Variants in TUBE1 observed in about 807,000 individuals in gnomAD.
TUBE1 encodes the protein tubulin epsilon chain.
Under a neutral mutation model 53.5 loss-of-function variants are expected in TUBE1, and 34 were observed. The ratio of observed to expected loss-of-function variants is 0.64; its 90% confidence interval spans 0.48 to 0.85. The LOEUF is 0.85. Among genes scored for constraint, TUBE1 ranks in the 40% least tolerant of loss-of-function variants. The probability of loss-of-function intolerance (pLI) is 0.00; values close to 1 mark genes in which losing one functional copy is unlikely to be tolerated. For synonymous variants in TUBE1, 177 were observed against 198.4 expected (o/e 0.89, Z 0.91); for missense variants, 532 against 570.5 (o/e 0.93, Z 0.69).
At chr6:112,083,406 C>T (rs587653901) in intron 4 of TUBE1, among the ~76,000 whole-genome samples, 4 of 151,566 alleles carry the variant, frequency 2.6e-5, no homozygotes, top group South Asian at 4.2e-4. Context: ...CAGGCTCTGC[C>T]CCCCGGGGTT....
At chr6:112,081,895 A>C (rs1554316814) in intron 4 of TUBE1, among the ~76,000 whole-genome samples, 1 of 151,992 alleles carries the variant, frequency 6.6e-6, no homozygotes, top group East Asian at 1.9e-4. Context: ...CCGTCCTCCC[A>C]CTTCCCTTAC....
rs587647151 is a variant in TUBE1, at chr6:112,081,920, A to C, written c.211-713T>G. On this transcript the variant is annotated intron_variant, in intron 4 of 11. Coordinates refer to ENST00000368662, the MANE Select transcript of TUBE1 (RefSeq NM_016262.5). ...ACTTCCCTTACTTTCCATATATTCT[A>C]CAGCGAGGAAGAAGAGTAAAAAAGT... Among the ~76,000 whole-genome samples, 5 of 152,172 alleles carry C rather than the reference A, an allele frequency of 3.3e-5. No individual in the cohort carries two copies. In the South Asian group the frequency reaches 1.0e-3, roughly 32 times the overall value.
Position 112,082,440 on chromosome 6 carries a change from T to C in TUBE1, c.211-1233A>G, listed in dbSNP as rs141891106. 2.3e-3 allele frequency among the ~76,000 whole-genome samples: 343 copies of C among 152,292 alleles called. 1 individual carries two copies. Among genetic ancestry groups the C allele is most frequent in the African/African-American group, 7.9e-3 (330 of 41,572 alleles). On this transcript the variant is annotated intron_variant, in intron 4 of 11. Transcript: ENST00000368662. ...GGATTATACTGGCCTTGTTCCAAAA[T>C]AGATTTATTGAGGTATGTGGAAGAT...
At chr6:112,072,197 A>G (rs1290547986) in intron 10 of TUBE1, 121 bp from the exon 11 acceptor site, 3 of 670,572 alleles carry the variant, frequency 4.5e-6, no homozygotes, top group Non-Finnish European at 7.2e-6. Context: ...CTACTTGCTT[A>G]GTTTAGACGC....
Position 112,084,009 on chromosome 6 carries a change from G to A in TUBE1, c.210+180C>T, listed in dbSNP as rs114877245. ...GCTAACTACAGTGTTTTAAAGTATG[G>A]GCTTTTCCCCCTAATGTGTTAGGTG... is the stretch of plus-strand genomic sequence containing the variant. On this transcript the variant is annotated intron_variant, in intron 4 of 11. Coordinates refer to ENST00000368662, the MANE Select transcript of TUBE1 (RefSeq NM_016262.5). 359 of 590,462 alleles carry A rather than the reference G, an allele frequency of 6.1e-4. 4 individuals are homozygous for A. The African/African-American group carries it at 6.3e-3, about 10-fold the overall frequency. The allele number at this position is 590,462 out of a possible 1,614,324, so 36.6% of individuals were successfully genotyped here. A position where few individuals can be genotyped will look rare whatever the true frequency, so the allele number is the denominator to read the frequency against.
intron 2 of TUBE1, chr6:112,086,914 T>A (rs1284918936): frequency 2.0e-6 from 1 of 491,796 alleles, no homozygotes; most frequent in Non-Finnish European, 3.6e-6. Flanking sequence ...ACTGGTTAAA[T>A]TAAGGAATAC....
chr6:112,086,704 G>A, intron 2 of TUBE1, 96 bp from the exon 3 acceptor site: 1 of 758,050 alleles, frequency 1.3e-6, no homozygotes, highest in Non-Finnish European at 2.2e-6. Flanking sequence ...TAATGGCTAG[G>A]ATGAGACTCT....
At chr6:112,077,319 T>C (rs1334305128) in intron 6 of TUBE1, 1 of 152,182 alleles carries the variant, frequency 6.6e-6, no homozygotes, top group African/African-American at 2.4e-5. Context: ...ACTCGAGGAA[T>C]CTCATTAAAG....
chr6:112,073,730 T>C (rs1776907034), intron 9 of TUBE1, among the ~76,000 whole-genome samples: 1 of 152,226 alleles, frequency 6.6e-6, no homozygotes, highest in African/African-American at 2.4e-5. Flanking sequence ...ACTTTAGTTA[T>C]AAAAAAGAAT....
chr6:112,082,948 G>GA (rs1236284616), intron 4 of TUBE1, among the ~76,000 whole-genome samples: 3 of 151,960 alleles, frequency 2.0e-5, no homozygotes, highest in African/African-American at 7.3e-5. Context: ...TACCTTCTCG[G>GA]AAAAAAAGTC....
intron 9 of TUBE1, 102 bp downstream of exon 9, chr6:112,074,608 G>A: frequency 1.2e-6 from 1 of 809,230 alleles, no homozygotes; most frequent in Non-Finnish European, 1.8e-6. Flanking sequence ...CAGATAAGAT[G>A]ATACAATTAA....
rs587671546 is a variant in TUBE1 at position 112,082,052 on chromosome 6, G to A, written c.211-845C>T. Among the ~76,000 whole-genome samples the A allele has an allele frequency of 1.1e-4, 16 of 152,174 alleles. 1 individual carries two copies. The East Asian group carries it at 2.9e-3, about 27-fold the overall frequency. ...ATTCAGTGTCACAGAGGAAGTGCTC[G>A]GTTTATGGCTTTCAGTTCTGTTACC... On this transcript the variant is annotated intron_variant, in intron 4 of 11. Coordinates refer to ENST00000368662, the MANE Select transcript of TUBE1 (RefSeq NM_016262.5).
intron 5 of TUBE1, among the ~76,000 whole-genome samples, chr6:112,080,284 T>G (rs1368919329): frequency 5.3e-5 from 8 of 152,204 alleles, no homozygotes; most frequent in Admixed American, 4.6e-4. Flanking sequence ...GCTCTGCAAG[T>G]CTTTTTAAGT....
intron 2 of TUBE1, chr6:112,087,005 G>A (rs2072025): frequency 0.26 from 143,773 of 557,956 alleles, 19,336 homozygotes; most frequent in African/African-American, 0.32. Flanking sequence ...CACCAATAAA[G>A]AGGAGACCCT....
rs1347826684 is a variant in TUBE1 at position 112,070,678 on chromosome 6, C to T, written c.*734G>A. The T allele has an allele frequency of 6.6e-6, 1 of 152,016 alleles. No individual in the cohort carries two copies. The highest frequency in any genetic ancestry group is 2.4e-5 in the African/African-American group (1 of 41,380). 9.4% of individuals were successfully genotyped at this position (152,016 alleles called of 1,614,324 possible). On this transcript the variant is annotated 3_prime_UTR_variant, in exon 12 of 12. Coordinates refer to ENST00000368662, the MANE Select transcript of TUBE1 (RefSeq NM_016262.5). ...GAACTGAAGATTATAGTAACCGGAA[C>T]AATTATAGCCATTTATTGCAAAGTT... is the stretch of plus-strand genomic sequence containing the variant.
Position 112,074,732 on chromosome 6 carries a change from C to A in TUBE1, c.931G>T (p.Asp311Tyr). 1.3e-6 allele frequency: 2 copies of A among 1,555,146 alleles called. No individual in the cohort carries two copies. The highest frequency in any genetic ancestry group is 1.7e-6 in the Non-Finnish European group (2 of 1,154,326). Residue 311 changes from aspartate (D) to tyrosine (Y), a missense_variant, in exon 9 of 12, where the codon GAT becomes TAT. Physicochemically the swap from Asp to Tyr is radical, Grantham distance 160. Transcript: ENST00000368662. ...SSLTPLYTLT[D>Y]VNIPPRRLDQ... ...TACCTTCTAGGAGGAATGTTAACAT[C>A]TGTCAGTGTATACAGAGGTGTTAGG...
chr6:112,085,819 T>C (rs1267168415), intron 3 of TUBE1: 1 of 414,678 alleles, frequency 2.4e-6, no homozygotes, highest in East Asian at 7.2e-5. Flanking sequence ...TGGAGAGCAC[T>C]GAACCCATCT....
intron 9 of TUBE1, among the ~76,000 whole-genome samples, chr6:112,073,168 T>C (rs1188298504): frequency 6.6e-6 from 1 of 152,114 alleles, no homozygotes; most frequent in East Asian, 1.9e-4. Context: ...AGCTACAAAA[T>C]GTTGACTGTA....
At position 112,087,404 on chromosome 6, in the gene TUBE1, G is replaced by C. The variant is rs1554317561; in HGVS notation, c.25+6C>G. On this transcript the variant is annotated splice_donor_region_variant and intron_variant, in intron 1 of 11. Coordinates refer to ENST00000368662, the MANE Select transcript of TUBE1 (RefSeq NM_016262.5). Reference sequence around the variant, plus strand: ...ACCAGGTCTCTACCCGCCCGGCGTAGCTTACCCTGTACGACCACCGACTGG... The same window carrying C: ...ACCAGGTCTCTACCCGCCCGGCGTACCTTACCCTGTACGACCACCGACTGG... 6.4e-7 allele frequency: 1 copy of C among 1,551,350 alleles called. No individual in the cohort carries two copies. The highest frequency in any genetic ancestry group is 1.2e-5 in the South Asian group (1 of 84,034).
Sources: gnomAD v4.1 joint callset for allele counts (sites outside exome capture counted in the v4.1 genomes callset) on GRCh38, gnomAD v4.1.1 for gene constraint, MANE v1.5 for transcripts, NCBI Gene and HGNC (gene_info 2026-07-23, HGNC 2026-07-21) for gene names.